The following WWOX variants were observed in gnomAD, a reference collection of about 807,000 sequenced individuals.
WWOX encodes WW domain-containing oxidoreductase.
In WWOX, 69 loss-of-function variants were observed where a neutral mutation model predicts 46.2. The ratio of observed to expected loss-of-function variants is 1.49; its 90% CI spans 1.23 to 1.82. WWOX has a LOEUF of 1.82. WWOX is among the 40% of genes most tolerant of loss of function. The pLI, the probability that WWOX is intolerant of heterozygous loss-of-function variation, is 0.00. For missense variants in WWOX, 919 were observed against 542.6 expected (o/e 1.69, Z -6.89); for synonymous variants, 359 against 202.6 (o/e 1.77, Z -6.56).
rs543453085 is a variant in WWOX, at chr16:78,558,654, G to C, written c.1056+125902G>C. On this transcript the variant is annotated intron_variant, in intron 8 of 8. Transcript: ENST00000566780. Reference sequence around the variant, plus strand: ...CCTGCTTACACCTAGCTGTTGTGTTGGTTCTCATAGGTCTCCCTGATTCCA... The same window carrying C: ...CCTGCTTACACCTAGCTGTTGTGTTCGTTCTCATAGGTCTCCCTGATTCCA... 2.6e-5 allele frequency among the ~76,000 whole-genome samples: 4 copies of C among 152,310 alleles called. No homozygotes were observed. The East Asian group carries it at 7.7e-4, about 29-fold the overall frequency.
chr16:78,380,373 A>C (rs775133593), intron 5 of WWOX, among the ~76,000 whole-genome samples: 1 of 152,162 alleles, frequency 6.6e-6, no homozygotes, highest in Non-Finnish European at 1.5e-5. Context: ...CAGCTTCTCC[A>C]TCTGTGAAAT....
chr16:79,059,936 T>G, intron 8 of WWOX, among the ~76,000 whole-genome samples: 1 of 152,232 alleles, frequency 6.6e-6, no homozygotes, highest in East Asian at 1.9e-4. Flanking sequence ...AATGCTGCTT[T>G]TGGTACACTG....
chr16:78,232,058 G>T (rs1400718424), intron 5 of WWOX, among the ~76,000 whole-genome samples: 1 of 151,830 alleles, frequency 6.6e-6, no homozygotes, highest in Non-Finnish European at 1.5e-5. Flanking sequence ...GTCTATTAGG[G>T]GCTACACAAT....
At position 78,687,840 on chromosome 16, in the gene WWOX, G is replaced by A. The variant is rs188682925; in HGVS notation, c.1056+255088G>A. On this transcript the variant is annotated intron_variant, in intron 8 of 8. Coordinates refer to ENST00000566780, the MANE Select transcript of WWOX (RefSeq NM_016373.4). Reference sequence around the variant, plus strand: ...TAATCCCTGAAGCTCTCAAGTAGGCGTTTTTAAATTCATGCATTAGAACAG... The same window carrying A: ...TAATCCCTGAAGCTCTCAAGTAGGCATTTTTAAATTCATGCATTAGAACAG... 1.4e-3 allele frequency among the ~76,000 whole-genome samples: 220 copies of A among 152,168 alleles called. 1 individual carries two copies. The highest frequency in any genetic ancestry group is 4.6e-3 in the African/African-American group (192 of 41,510).
At chr16:78,334,917 C>CTT (rs202225216) in intron 5 of WWOX, among the ~76,000 whole-genome samples, 1 of 109,860 alleles carries the variant, frequency 9.1e-6, no homozygotes. Context: ...GAGATACCAT[C>CTT]TTTTTTTAAA....
intron 5 of WWOX, among the ~76,000 whole-genome samples, chr16:78,340,573 C>T (rs1178475333): frequency 8.3e-6 from 1 of 120,378 alleles, no homozygotes; most frequent in African/African-American, 2.8e-5. Context: ...AAGTAGAATT[C>T]AAAGTTACTG....
At chr16:78,601,362 A>C (rs186739916) in intron 8 of WWOX, among the ~76,000 whole-genome samples, 6 of 152,216 alleles carry the variant, frequency 3.9e-5, no homozygotes, top group Admixed American at 3.9e-4. Flanking sequence ...AGCTCTAGAA[A>C]GAAACGGGTA....
intron 8 of WWOX, among the ~76,000 whole-genome samples, chr16:78,625,142 T>C (rs1384277565): frequency 6.6e-6 from 1 of 152,206 alleles, no homozygotes; most frequent in Non-Finnish European, 1.5e-5. Flanking sequence ...AAAACTTTGC[T>C]GGAGAACATC....
intron 8 of WWOX, among the ~76,000 whole-genome samples, chr16:78,543,062 G>T (rs1479122606): frequency 6.6e-6 from 1 of 152,236 alleles, no homozygotes; most frequent in African/African-American, 2.4e-5. Flanking sequence ...ACATATTTGA[G>T]CAGAGTACAT....
intron 8 of WWOX, among the ~76,000 whole-genome samples, chr16:78,818,382 C>T (rs115889650): frequency 1.6e-3 from 239 of 152,348 alleles, no homozygotes; most frequent in African/African-American, 5.4e-3. Flanking sequence ...AGCTGTTCTA[C>T]CACCTTCATT....
In WWOX at chr16:78,511,284, A is replaced by G. The variant is rs1456087160; in HGVS notation, c.1056+78532A>G. Among the ~76,000 whole-genome samples, 43 of 152,198 alleles carry G rather than the reference A, an allele frequency of 2.8e-4. 1 individual carries two copies. Among genetic ancestry groups the G allele is most frequent in the Admixed American group, 2.8e-3 (43 of 15,284 alleles). On this transcript the variant is annotated intron_variant, in intron 8 of 8. Transcript: ENST00000566780. ...GTCACCATGTCTTTTCCCTTCCGTC[A>G]AGCCTTTTAGCGGAGTTCACAGGGA...
At chr16:78,924,666 A>C (rs1032628804) in intron 8 of WWOX, among the ~76,000 whole-genome samples, 1 of 152,236 alleles carries the variant, frequency 6.6e-6, no homozygotes, top group African/African-American at 2.4e-5. Context: ...TCCATTCAAC[A>C]TTTATTAGTT....
intron 8 of WWOX, among the ~76,000 whole-genome samples, chr16:78,565,500 T>G (rs994451793): frequency 1.3e-5 from 2 of 152,184 alleles, no homozygotes; most frequent in African/African-American, 4.8e-5. Context: ...CCCATCACAT[T>G]CTCCTCATCT....
intron 5 of WWOX, among the ~76,000 whole-genome samples, chr16:78,280,507 A>G (rs905287275): frequency 6.6e-6 from 1 of 152,138 alleles, no homozygotes; most frequent in African/African-American, 2.4e-5. Flanking sequence ...AATTTATAAG[A>G]AAAGAGGTTT....
intron 8 of WWOX, among the ~76,000 whole-genome samples, chr16:78,746,022 C>T (rs772472147): frequency 9.2e-5 from 14 of 152,152 alleles, no homozygotes; most frequent in South Asian, 2.1e-4. Flanking sequence ...AATCTGTATC[C>T]ATCCACAAGG....
intron 8 of WWOX, among the ~76,000 whole-genome samples, chr16:78,965,453 C>G (rs1351903096): frequency 6.6e-6 from 1 of 151,908 alleles, no homozygotes; most frequent in Non-Finnish European, 1.5e-5. Context: ...ACTTGTAATC[C>G]CAGCTACTTG....
At chr16:78,654,561 A>G (rs903759397) in intron 8 of WWOX, among the ~76,000 whole-genome samples, 12 of 152,324 alleles carry the variant, frequency 7.9e-5, no homozygotes, top group African/African-American at 2.6e-4. Flanking sequence ...CGTTCTTTTC[A>G]GATTCTGATT....
chr16:78,435,936 C>T (rs1472742748), intron 8 of WWOX, among the ~76,000 whole-genome samples: 2 of 152,110 alleles, frequency 1.3e-5, no homozygotes, highest in Admixed American at 6.5e-5. Context: ...GTATGGTAGT[C>T]GTGGGCCACA....
intron 5 of WWOX, among the ~76,000 whole-genome samples, chr16:78,364,340 C>G (rs979284781): frequency 2.0e-5 from 3 of 152,246 alleles, no homozygotes; most frequent in East Asian, 3.9e-4. Flanking sequence ...TGAACTAAGG[C>G]TGTATCTAAT....
Sources: allele counts gnomAD v4.1 joint callset (sites outside exome capture counted in the v4.1 genomes callset), GRCh38; gene constraint gnomAD v4.1.1; transcripts MANE v1.5; gene names NCBI Gene and HGNC (gene_info 2026-07-23, HGNC 2026-07-21).